Variants in NAV2 observed in about 807,000 individuals in gnomAD.
NAV2 encodes neuron navigator 2.
Under a neutral mutation model 223.2 loss-of-function variants are expected in NAV2, and 54 were observed. That is an observed-to-expected ratio of 0.24 (90% confidence interval 0.19 to 0.30). The LOEUF is 0.30. Among genes scored for constraint, NAV2 ranks in the 10% least tolerant of loss-of-function variants. NAV2 has a pLI of 1.00. For missense variants in NAV2, 2,806 were observed against 3,147.5 expected (o/e 0.89, Z 2.60); for synonymous variants, 1,279 against 1,239.3 (o/e 1.03, Z -0.67).
At chr11:19,897,149 C>T (rs937790057) in intron 6 of NAV2, among the ~76,000 whole-genome samples, 4 of 151,820 alleles carry the variant, frequency 2.6e-5, no homozygotes, top group East Asian at 3.9e-4. Context: ...AACCAAACAC[C>T]GCATGTTCTC....
chr11:19,964,492 C>CA (rs60424234), intron 10 of NAV2, among the ~76,000 whole-genome samples: 72,735 of 146,530 alleles, frequency 0.5, 18,295 homozygotes, highest in Middle Eastern at 0.55. Context: ...TTTTCATCCT[C>CA]TTTTTTTTTT....
At chr11:19,567,837 A>T in intron 1 of NAV2, among the ~76,000 whole-genome samples, 1 of 152,326 alleles carries the variant, frequency 6.6e-6, no homozygotes, top group Admixed American at 6.5e-5. Flanking sequence ...TGCTCAGGTT[A>T]AAGTTCCTCC....
chr11:19,518,825 C>T (rs2043548281), intron 1 of NAV2, among the ~76,000 whole-genome samples: 1 of 152,114 alleles, frequency 6.6e-6, no homozygotes. Context: ...AAATCTTAAC[C>T]CTCAGTGTGA....
At chr11:19,794,010 G>A (rs987122780) in intron 1 of NAV2, among the ~76,000 whole-genome samples, 11 of 152,108 alleles carry the variant, frequency 7.2e-5, no homozygotes, top group South Asian at 4.1e-4. Context: ...ATCACAAACT[G>A]AAATCGCCTC....
intron 1 of NAV2, among the ~76,000 whole-genome samples, chr11:19,398,430 G>T (rs535326684): frequency 3.3e-5 from 5 of 152,216 alleles, no homozygotes; most frequent in Admixed American, 3.3e-4. Flanking sequence ...TGAGATTTGG[G>T]CAGGGACACA....
rs544738366 is a variant in NAV2 at position 19,585,315 on chromosome 11, G to C, written c.75+234288G>C. 3.5e-4 allele frequency among the ~76,000 whole-genome samples: 53 copies of C among 152,202 alleles called. 2 individuals carry two copies. Among genetic ancestry groups the C allele is most frequent in the African/African-American group, 1.3e-3 (52 of 41,518 alleles). On this transcript the variant is annotated intron_variant, in intron 1 of 37. Coordinates refer to the NAV2 transcript ENST00000360655. ...GTTTCCTGAATACAGCACACTGATG[G>C]GTCTTGACTCTTTATCCAATTTGCC...
At chr11:19,961,373 C>G (rs1239269681) in intron 10 of NAV2, among the ~76,000 whole-genome samples, 1 of 152,116 alleles carries the variant, frequency 6.6e-6, no homozygotes, top group Non-Finnish European at 1.5e-5. Flanking sequence ...TGGAGAATAC[C>G]AAGTTCGAGT....
chr11:19,807,957 T>A (rs1274761587), intron 1 of NAV2, among the ~76,000 whole-genome samples: 1 of 152,212 alleles, frequency 6.6e-6, no homozygotes, highest in African/African-American at 2.4e-5. Flanking sequence ...TTAAGCCAAC[T>A]TAGGAGTGGC....
intron 1 of NAV2, among the ~76,000 whole-genome samples, chr11:19,351,461 A>C (rs1359269971): frequency 6.6e-6 from 1 of 152,172 alleles, no homozygotes; most frequent in Non-Finnish European, 1.5e-5. Context: ...TGGATCAAAA[A>C]CATATTCTAC....
chr11:19,571,567 G>T (rs779731042), intron 1 of NAV2, among the ~76,000 whole-genome samples: 2 of 152,138 alleles, frequency 1.3e-5, no homozygotes, highest in Non-Finnish European at 2.9e-5. Context: ...TTAGCCAGGA[G>T]TGTTGGCATG....
chr11:20,034,935 G>A (rs953836743), intron 11 of NAV2, among the ~76,000 whole-genome samples: 46 of 152,292 alleles, frequency 3.0e-4, no homozygotes, highest in African/African-American at 1.1e-3. Context: ...AGAAGTGCAT[G>A]TGATCAGAGC....
intron 1 of NAV2, among the ~76,000 whole-genome samples, chr11:19,360,135 C>T (rs1307496345): frequency 6.6e-6 from 1 of 152,220 alleles, no homozygotes; most frequent in Non-Finnish European, 1.5e-5. Context: ...TCTCTTCAGC[C>T]AAATCTCAGC....
intron 19 of NAV2, 135 bp downstream of exon 19, chr11:20,056,092 C>A (rs959121600): frequency 5.2e-6 from 4 of 770,878 alleles, no homozygotes; most frequent in Non-Finnish European, 6.2e-6. Flanking sequence ...CCTCTCCCAC[C>A]TACTCTGGGG....
At chr11:19,691,644 T>C (rs976333148) in intron 1 of NAV2, among the ~76,000 whole-genome samples, 1 of 152,198 alleles carries the variant, frequency 6.6e-6, no homozygotes, top group African/African-American at 2.4e-5. Context: ...CTCAGGTCAC[T>C]GCAAGCTCCG....
chr11:19,796,465 A>C (rs2057905335), intron 1 of NAV2, among the ~76,000 whole-genome samples: 2 of 152,200 alleles, frequency 1.3e-5, no homozygotes, highest in South Asian at 4.1e-4. Flanking sequence ...TATTGTACTG[A>C]AAACGTTTTA....
intron 6 of NAV2, among the ~76,000 whole-genome samples, chr11:19,908,288 G>A (rs766880240): frequency 2.0e-5 from 3 of 152,172 alleles, no homozygotes; most frequent in Non-Finnish European, 4.4e-5. Context: ...GGTGGGTGTG[G>A]GAGCTCTCAG....
chr11:20,105,623 G>C lies in NAV2; in HGVS notation c.6737G>C (p.Arg2246Pro), dbSNP rs186895565. 6.2e-7 allele frequency: 1 copy of C among 1,614,044 alleles called. No individual in the cohort carries two copies. The highest frequency in any genetic ancestry group is 8.5e-7 in the Non-Finnish European group (1 of 1,179,984). The change falls in exon 35 of 38, where the codon CGG becomes CCG. Residue 2246 changes from arginine (R) to proline (P), a missense_variant. By Grantham distance (103) the Arg-to-Pro change is moderately radical. Coordinates refer to ENST00000349880, the MANE Select transcript of NAV2 (RefSeq NM_145117.5). ...RKLMETEISG[R>P]VRNMELVKII... is the part of the protein sequence containing the mutation. ...CTCATGGAAACAGAGATCAGTGGGC[G>C]GGTGCGCAATATGGAGCTGGTAAAA...
upstream of NAV2, among the ~76,000 whole-genome samples, chr11:19,350,525 A>G (rs1027361206): frequency 4.6e-5 from 7 of 152,230 alleles, no homozygotes; most frequent in Non-Finnish European, 1.0e-4. Context: ...TGTGGATGTT[A>G]GCAGCTTGGT....
Position 19,713,691 on chromosome 11 carries a change from A to C in NAV2, c.-5A>C. 1 of 1,554,010 alleles carries C rather than the reference A, an allele frequency of 6.4e-7. No individual in the cohort carries two copies. Among genetic ancestry groups the C allele is most frequent in the Non-Finnish European group, 8.7e-7 (1 of 1,147,104 alleles). Reference sequence around the variant, plus strand: ...GTGCTGGGAAAGCCCAAGCCCCGGGAGAAGATGCCGGCCATCCTGGTCGCC... The same window carrying C: ...GTGCTGGGAAAGCCCAAGCCCCGGGCGAAGATGCCGGCCATCCTGGTCGCC... On this transcript the variant is annotated 5_prime_UTR_variant, in exon 1 of 38. Transcript: ENST00000349880. This position sits in a 1 kb window ranked among gnomAD's most constrained non-coding sequence, Gnocchi z 7.2.
Sources: gnomAD v4.1 joint callset for allele counts (sites outside exome capture counted in the v4.1 genomes callset) on GRCh38, gnomAD v4.1.1 for gene constraint, Gnocchi (gnomAD v3.1) non-coding constraint, MANE v1.5 for transcripts, NCBI Gene and HGNC (gene_info 2026-07-23, HGNC 2026-07-21) for gene names.